Variants in SNTG1 observed in about 807,000 individuals in gnomAD.
SNTG1 encodes the protein gamma-1-syntrophin.
SNTG1 carries 39 observed loss-of-function variants against 74.7 expected under a neutral mutation model. That is an observed-to-expected ratio of 0.52 (90% CI 0.40 to 0.68). The LOEUF (loss-of-function observed/expected upper bound fraction) is 0.68. SNTG1 is among the 30% of genes least tolerant of loss of function. The pLI is 0.00. For synonymous variants in SNTG1, 254 were observed against 217.1 expected (o/e 1.17, Z -1.49); for missense variants, 685 against 609.5 (o/e 1.12, Z -1.30).
rs71233494 is a variant in SNTG1 at position 50,444,764 on chromosome 8, A to AAAAAAAAG, written c.220-4901_220-4900insAAAAGAAA. Among the ~76,000 whole-genome samples, 225 of 140,214 alleles carry AAAAAAAAG rather than the reference A, an allele frequency of 1.6e-3. 11 individuals carry two copies. The highest frequency in any genetic ancestry group is 5.6e-3 in the African/African-American group (208 of 37,254). 92.0% of individuals were successfully genotyped at this position (140,214 alleles called of 152,430 possible). A position where few individuals can be genotyped will look rare whatever the true frequency, so the allele number is the denominator to read the frequency against. On this transcript the variant is annotated intron_variant, in intron 5 of 18. Transcript: ENST00000642720. ...GACTCCATCTCAGAAAAAAAAAAAA[A>AAAAAAAAG]AAAGAAAGAGATAACAAGCATACAG...
chr8:50,138,437 G>C (rs1409893822), intron 1 of SNTG1, among the ~76,000 whole-genome samples: 1 of 151,630 alleles, frequency 6.6e-6, no homozygotes, highest in Non-Finnish European at 1.5e-5. Flanking sequence ...GGCCAATATG[G>C]TGAAACTCCA....
intron 1 of SNTG1, among the ~76,000 whole-genome samples, chr8:49,930,964 A>G (rs550784086): frequency 6.6e-6 from 1 of 152,342 alleles, no homozygotes; most frequent in African/African-American, 2.4e-5. Context: ...TCACACAACA[A>G]TTAAGAATGA....
At chr8:50,075,754 A>T (rs955882297) in intron 1 of SNTG1, among the ~76,000 whole-genome samples, 3 of 152,140 alleles carry the variant, frequency 2.0e-5, no homozygotes, top group African/African-American at 7.2e-5. Context: ...GGCCAGCAAG[A>T]CCACGAACCC....
At chr8:50,403,692 A>C (rs190902335) in intron 4 of SNTG1, among the ~76,000 whole-genome samples, 1 of 152,240 alleles carries the variant, frequency 6.6e-6, no homozygotes, top group Non-Finnish European at 1.5e-5. Flanking sequence ...GCTAGGAATA[A>C]TGAAGAGAAT....
chr8:50,301,111 A>G (rs1222315559), intron 2 of SNTG1, among the ~76,000 whole-genome samples: 1 of 151,970 alleles, frequency 6.6e-6, no homozygotes, highest in African/African-American at 2.4e-5. Flanking sequence ...ACAGGATAAT[A>G]TTTTTCATCA....
intron 13 of SNTG1, among the ~76,000 whole-genome samples, chr8:50,632,285 T>TTTTATTTATTTA (rs745874673): frequency 5.2e-5 from 7 of 134,360 alleles, no homozygotes; most frequent in Non-Finnish European, 9.0e-5. Context: ...GTCTTTTTAA[T>TTTTATTTATTTA]TTTATTTATT....
intron 1 of SNTG1, among the ~76,000 whole-genome samples, chr8:50,057,607 T>G (rs1030516774): frequency 6.6e-6 from 1 of 152,112 alleles, no homozygotes; most frequent in African/African-American, 2.4e-5. Flanking sequence ...ATGTCATGGT[T>G]AAGGACTGCT....
intron 1 of SNTG1, among the ~76,000 whole-genome samples, chr8:49,949,599 A>G (rs1415880987): frequency 6.6e-6 from 1 of 152,216 alleles, no homozygotes; most frequent in Non-Finnish European, 1.5e-5. Flanking sequence ...AGATGGACTC[A>G]GTAATGTCTA....
intron 1 of SNTG1, among the ~76,000 whole-genome samples, chr8:49,934,755 T>A (rs318873): frequency 0.82 from 125,248 of 152,172 alleles, 51,891 homozygotes; most frequent in East Asian, 0.99. Flanking sequence ...GTGAAAACAG[T>A]ACCATGTGTG....
chr8:50,309,101 T>A (rs185860652), intron 2 of SNTG1, among the ~76,000 whole-genome samples: 1 of 152,308 alleles, frequency 6.6e-6, no homozygotes, highest in East Asian at 1.9e-4. Context: ...TTTCTAAAGC[T>A]ATTTTACAAC....
At chr8:49,970,917 G>A (rs1220955417) in intron 1 of SNTG1, among the ~76,000 whole-genome samples, 1 of 152,014 alleles carries the variant, frequency 6.6e-6, no homozygotes, top group African/African-American at 2.4e-5. Context: ...AAAAGAGTCT[G>A]GCTGATGAAT....
At chr8:50,124,051 C>T (rs1298657917) in intron 1 of SNTG1, among the ~76,000 whole-genome samples, 2 of 142,482 alleles carry the variant, frequency 1.4e-5, no homozygotes, top group African/African-American at 5.1e-5. Flanking sequence ...ATGTTAAATT[C>T]TTAACTTCCG....
At chr8:50,115,347 ACC>A (rs1205089826) in intron 1 of SNTG1, among the ~76,000 whole-genome samples, 1 of 151,802 alleles carries the variant, frequency 6.6e-6, no homozygotes, top group East Asian at 1.9e-4. Flanking sequence ...TGGGTGGATC[ACC>A]TGAGGTCAGG....
rs201561501 is a variant in SNTG1 at position 50,126,595 on chromosome 8, A to G, written c.-102-45966A>G. ...TTATATATAAAGCATATATACATTTACATATGTGTTTTAAATATAAATTCA... is the reference window on the plus strand; with the variant it reads ...TTATATATAAAGCATATATACATTTGCATATGTGTTTTAAATATAAATTCA... On this transcript the variant is annotated intron_variant, in intron 1 of 18. Coordinates refer to ENST00000642720, the MANE Select transcript of SNTG1 (RefSeq NM_018967.5). Among the ~76,000 whole-genome samples the G allele has an allele frequency of 3.3e-5, 5 of 152,094 alleles. No individual in the cohort carries two copies. The East Asian group carries it at 9.7e-4, about 29-fold the overall frequency.
chr8:49,945,021 A>G (rs1364844664), intron 1 of SNTG1, among the ~76,000 whole-genome samples: 1 of 152,046 alleles, frequency 6.6e-6, no homozygotes, highest in African/African-American at 2.4e-5. Context: ...TTACTTCTTT[A>G]ATCTGAGTAC....
At chr8:50,731,496 C>A (rs1040916720) in intron 17 of SNTG1, among the ~76,000 whole-genome samples, 4 of 152,026 alleles carry the variant, frequency 2.6e-5, no homozygotes, top group African/African-American at 9.7e-5. Flanking sequence ...AAGCTTTTGA[C>A]GCCAAAAATT....
chr8:49,916,835 G>A (rs994387742), intron 1 of SNTG1, among the ~76,000 whole-genome samples: 47 of 150,868 alleles, frequency 3.1e-4, no homozygotes, highest in Admixed American at 1.3e-3. Flanking sequence ...GTGAGACCTC[G>A]TTTCTTCAAT....
At chr8:50,534,991 T>C (rs561046354) in intron 10 of SNTG1, among the ~76,000 whole-genome samples, 4 of 152,256 alleles carry the variant, frequency 2.6e-5, no homozygotes, top group African/African-American at 9.6e-5. Context: ...TTCAGCTTAT[T>C]ATTATTTCTC....
At chr8:50,434,102 A>G (rs1044491670) in intron 4 of SNTG1, among the ~76,000 whole-genome samples, 1 of 131,456 alleles carries the variant, frequency 7.6e-6, no homozygotes, top group Non-Finnish European at 1.5e-5. Flanking sequence ...AAGTGTTCTC[A>G]TTGTTCAATT....
Sources: allele counts gnomAD v4.1 joint callset (sites outside exome capture counted in the v4.1 genomes callset), GRCh38; gene constraint gnomAD v4.1.1; transcripts MANE v1.5; gene names NCBI Gene and HGNC (gene_info 2026-07-23, HGNC 2026-07-21).